CDC42BPB: variants seen among roughly 807,000 people sequenced by gnomAD.
CDC42BPB encodes CDC42 binding protein kinase beta.
In CDC42BPB, 37 loss-of-function variants were observed where a neutral mutation model predicts 214.9. The observed-to-expected ratio is 0.17, with a 90% CI of 0.13 to 0.23. CDC42BPB has a LOEUF of 0.23. Among genes scored for constraint, CDC42BPB ranks in the 10% least tolerant of loss-of-function variants. CDC42BPB has a pLI of 1.00. For synonymous variants in CDC42BPB, 931 were observed against 884.0 expected (o/e 1.05, Z -0.94); for missense variants, 1,694 against 2,227.0 (o/e 0.76, Z 4.82).
chr14:103,045,172 G>A (rs1352618919), intron 1 of CDC42BPB, among the ~76,000 whole-genome samples: 1 of 152,116 alleles, frequency 6.6e-6, no homozygotes, highest in Non-Finnish European at 1.5e-5. Context: ...AACACAGCAA[G>A]GACCCTGAAG....
intron 4 of CDC42BPB, among the ~76,000 whole-genome samples, chr14:103,000,531 T>C (rs1431982488): frequency 6.6e-6 from 1 of 152,214 alleles, no homozygotes; most frequent in East Asian, 1.9e-4. Flanking sequence ...AACACCTCCA[T>C]CTCTGGGGCC....
In CDC42BPB at chr14:102,972,744, A is replaced by G. The variant is rs887809231; in HGVS notation, c.1642-583T>C. Among the ~76,000 whole-genome samples, 15 of 127,582 alleles carry G rather than the reference A, an allele frequency of 1.2e-4. No individual in the cohort carries two copies. In the South Asian group the frequency reaches 3.0e-3, roughly 26 times the overall value. The allele number at this position is 127,582 out of a possible 152,430, so 83.7% of individuals were successfully genotyped here. A position where few individuals can be genotyped will look rare whatever the true frequency, so the allele number is the denominator to read the frequency against. On this transcript the variant is annotated intron_variant, in intron 12 of 36. Transcript: ENST00000361246. The stretch of plus-strand genomic sequence containing the variant: ...AAAAAAAAAAAAAAAAAAAAAAAAA[A>G]GCCCCACAACCACATGGGGGCAGCG...
intron 27 of CDC42BPB, among the ~76,000 whole-genome samples, chr14:102,947,506 G>T (rs571070660): frequency 6.6e-6 from 1 of 152,282 alleles, no homozygotes; most frequent in Non-Finnish European, 1.5e-5. Context: ...GTGAAGAGGG[G>T]TGTCTGGGAA....
intron 5 of CDC42BPB, among the ~76,000 whole-genome samples, chr14:102,997,397 A>G (rs968415555): frequency 7.9e-5 from 12 of 152,212 alleles, no homozygotes; most frequent in African/African-American, 2.9e-4. Flanking sequence ...CCACTGGAGG[A>G]CACGCGCTAC....
chr14:103,050,581 G>C (rs1467717236), intron 1 of CDC42BPB, among the ~76,000 whole-genome samples: 2 of 152,136 alleles, frequency 1.3e-5, no homozygotes, highest in East Asian at 3.9e-4. Context: ...AACACAGCAA[G>C]ACCTCGTTTC....
intron 9 of CDC42BPB, among the ~76,000 whole-genome samples, chr14:102,977,242 G>A (rs897879915): frequency 4.0e-5 from 6 of 151,672 alleles, no homozygotes; most frequent in Non-Finnish European, 7.4e-5. Flanking sequence ...AGGAGGCTGC[G>A]GCAGGGGAAT....
At chr14:103,003,234 C>G (rs898496111) in intron 4 of CDC42BPB, among the ~76,000 whole-genome samples, 2 of 152,176 alleles carry the variant, frequency 1.3e-5, no homozygotes, top group Admixed American at 1.3e-4. Flanking sequence ...CAGGTTCAGG[C>G]AAACCTAGAG....
rs566836182 is a variant in CDC42BPB at position 102,938,151 on chromosome 14, C to T, written c.4957G>A (p.Val1653Met). The T allele has an allele frequency of 1.9e-6, 3 of 1,613,930 alleles. No individual in the cohort carries two copies. In the East Asian group the frequency reaches 6.7e-5, roughly 36 times the overall value. The change falls in exon 36 of 37, where the codon GTG (valine) becomes ATG (methionine). Residue 1653 changes from valine to methionine, a missense_variant. Around this residue, in one of 7 missense-constraint regions of CDC42BPB, gnomAD observed 146 missense variants for 134.1 expected, o/e 1.09. Transcript: ENST00000361246. Reference sequence around the variant, plus strand: ...GGATCAGACATACTTCTCAGAGGCACAGTCACGCTAGGCTCCGATCCACCT... The same window carrying T: ...GGATCAGACATACTTCTCAGAGGCATAGTCACGCTAGGCTCCGATCCACCT... ...SSGGSEPSVTVPLRSMSDPDQ... is the reference protein window; with the variant it reads ...SSGGSEPSVTMPLRSMSDPDQ...
At chr14:103,009,815 G>A (rs1050377653) in intron 2 of CDC42BPB, among the ~76,000 whole-genome samples, 1 of 152,182 alleles carries the variant, frequency 6.6e-6, no homozygotes, top group East Asian at 1.9e-4. Flanking sequence ...AGACAGACAG[G>A]CAATCACTTA....
At chr14:102,947,296 A>G (rs1443007321) in intron 27 of CDC42BPB, among the ~76,000 whole-genome samples, 2 of 152,152 alleles carry the variant, frequency 1.3e-5, no homozygotes, top group Non-Finnish European at 1.5e-5. Context: ...TAATGCTACA[A>G]TGTCTAACAC....
rs944613938 is a variant in CDC42BPB, at chr14:103,001,342, C to T, written c.448-1629G>A. 1.3e-5 allele frequency among the ~76,000 whole-genome samples: 2 copies of T among 152,168 alleles called. No individual in the cohort carries two copies. Among genetic ancestry groups the T allele is most frequent in the African/African-American group, 2.4e-5 (1 of 41,450 alleles). ...GGCTCAGCAGAGCTCACACTGGGGG[C>T]GGGAGAGACCGTGGCCAGCATGGAG... On this transcript the variant is annotated intron_variant, in intron 4 of 36. Coordinates refer to ENST00000361246, the MANE Select transcript of CDC42BPB (RefSeq NM_006035.4). This position sits in a 1 kb window ranked among gnomAD's most constrained non-coding sequence, Gnocchi z 5.8.
chr14:102,954,714 G>T (rs1170908689), intron 21 of CDC42BPB, 26 bp from the exon 22 acceptor site: 1 of 1,602,052 alleles, frequency 6.2e-7, no homozygotes, highest in South Asian at 1.1e-5. Context: ...AAGAAAGAGT[G>T]GGGTGAAAGG....
chr14:102,944,572 G>A lies in CDC42BPB; in HGVS notation c.3812-85C>T. The A allele has an allele frequency of 2.0e-6, 3 of 1,529,950 alleles. No homozygotes were observed. Among genetic ancestry groups the A allele is most frequent in the Non-Finnish European group, 2.6e-6 (3 of 1,139,984 alleles). The allele number at this position is 1,529,950 out of a possible 1,614,324, so 94.8% of individuals were successfully genotyped here. A position where few individuals can be genotyped will look rare whatever the true frequency, so the allele number is the denominator to read the frequency against. On this transcript the variant is annotated intron_variant, in intron 29 of 36. Transcript: ENST00000361246. The surrounding 1 kb of genome is among the most constrained non-coding windows in gnomAD (Gnocchi z 6.6). ...GACGGCCTTGGCTAAAGACTTGCCT[G>A]GAACACTCTGGGGCCCTCCCCTGGG...
At chr14:103,042,768 T>TA (rs1202523790) in intron 1 of CDC42BPB, among the ~76,000 whole-genome samples, 1 of 152,082 alleles carries the variant, frequency 6.6e-6, no homozygotes, top group Non-Finnish European at 1.5e-5. Flanking sequence ...TCACACCCAC[T>TA]AGGACAGAAA....
At chr14:102,975,205 G>A (rs916068765) in intron 11 of CDC42BPB, among the ~76,000 whole-genome samples, 1 of 152,190 alleles carries the variant, frequency 6.6e-6, no homozygotes, top group South Asian at 2.1e-4. Context: ...TCTAGCTGGT[G>A]ACTATAAAAT....
At chr14:102,954,079 G>A (rs1892609187) in intron 23 of CDC42BPB, 119 bp downstream of exon 23, 4 of 740,502 alleles carry the variant, frequency 5.4e-6, no homozygotes, top group Admixed American at 2.2e-5. Context: ...TCGCTACTGT[G>A]TGTATGCAAA....
In CDC42BPB at chr14:102,968,707, C is replaced by T. The variant is rs947629970; in HGVS notation, c.2005G>A (p.Gly669Arg). The T allele has an allele frequency of 6.2e-7, 1 of 1,613,676 alleles. No homozygotes were observed. The highest frequency in any genetic ancestry group is 1.3e-5 in the African/African-American group (1 of 74,924). Residue 669 changes from glycine to arginine, a missense_variant, in exon 15 of 37, where the codon GGA becomes AGA. Transcript: ENST00000361246. ...SELEALKVKQ[G>R]GRGAGATLEH... is the part of the protein sequence containing the mutation. ...AAGGTGGCACCCGCTCCCCGGCCTCCTTGCTTCACCTGAAGACAAAGGTTA... is the reference window on the plus strand; with the variant it reads ...AAGGTGGCACCCGCTCCCCGGCCTCTTTGCTTCACCTGAAGACAAAGGTTA...
At chr14:102,955,956 T>A (rs952392939) in intron 21 of CDC42BPB, among the ~76,000 whole-genome samples, 5 of 152,152 alleles carry the variant, frequency 3.3e-5, no homozygotes, top group African/African-American at 1.2e-4. Flanking sequence ...CACACACAAC[T>A]GTGTACTGCA....
In CDC42BPB at chr14:102,952,500, T is replaced by A; in HGVS notation, c.3170A>T (p.Glu1057Val). 1 of 1,600,624 alleles carries A rather than the reference T, an allele frequency of 6.2e-7. No homozygotes were observed. The highest frequency in any genetic ancestry group is 1.3e-5 in the African/African-American group (1 of 74,846). Residue 1057 changes from glutamate (E) to valine (V), a missense_variant and splice_region_variant, in exon 24 of 37, where the codon GAG (glutamate) becomes GTG (valine). Transcript: ENST00000361246. The stretch of plus-strand genomic sequence containing the variant: ...CCAGGAGCTGCAACGACACTCACCC[T>A]CGCAGGCGTAGCCCTGCCGGATCAG... ...VGLIRQGYAC[E>V]VCSFACHVSC...
Sources: allele counts gnomAD v4.1 joint callset (sites outside exome capture counted in the v4.1 genomes callset), GRCh38; gene constraint gnomAD v4.1.1; regional missense constraint gnomAD v4.1.1; non-coding constraint Gnocchi (gnomAD v3.1); transcripts MANE v1.5; gene names NCBI Gene and HGNC (gene_info 2026-07-23, HGNC 2026-07-21).